TTC7B: variants seen among roughly 807,000 people sequenced by gnomAD.
TTC7B encodes the protein tetratricopeptide repeat domain 7B.
TTC7B carries 28 observed loss-of-function variants against 106.8 expected under a neutral mutation model. The observed-to-expected ratio is 0.26, with a 90% CI of 0.19 to 0.36. The LOEUF is 0.36. Among genes scored for constraint, TTC7B ranks in the 10% least tolerant of loss-of-function variants. TTC7B has a pLI of 1.00. For synonymous variants in TTC7B, 405 were observed against 430.6 expected, an observed-to-expected ratio of 0.94 and a Z score of 0.74; for missense variants, 862 against 1,076.4, an observed-to-expected ratio of 0.80 and a Z score of 2.79.
intron 15 of TTC7B, among the ~76,000 whole-genome samples, chr14:90,621,925 G>A (rs1306060415): frequency 6.6e-6 from 1 of 152,100 alleles, no homozygotes; most frequent in African/African-American, 2.4e-5. Flanking sequence ...GCATTCATTT[G>A]CTACAGCTGA....
At chr14:90,694,201 G>A (rs748780656) in intron 6 of TTC7B, among the ~76,000 whole-genome samples, 1 of 152,086 alleles carries the variant, frequency 6.6e-6, no homozygotes, top group Non-Finnish European at 1.5e-5. Context: ...TTGTGCGATT[G>A]CACTCCAACC....
chr14:90,635,053 T>A (rs931463175), intron 15 of TTC7B, among the ~76,000 whole-genome samples: 1 of 152,156 alleles, frequency 6.6e-6, no homozygotes, highest in African/African-American at 2.4e-5. Context: ...GCAAGATCAC[T>A]TGTGCTCCTT....
At chr14:90,749,549 G>T (rs1489679504) in intron 3 of TTC7B, among the ~76,000 whole-genome samples, 1 of 151,860 alleles carries the variant, frequency 6.6e-6, no homozygotes, top group Non-Finnish European at 1.5e-5. Context: ...GGGATTGCAG[G>T]CATGCACCAC....
intron 16 of TTC7B, among the ~76,000 whole-genome samples, chr14:90,612,838 T>A (rs1344069956): frequency 6.6e-6 from 1 of 152,180 alleles, no homozygotes; most frequent in African/African-American, 2.4e-5. Context: ...TATAGCCAAC[T>A]TATCCCTAGG....
intron 3 of TTC7B, among the ~76,000 whole-genome samples, chr14:90,778,658 G>A (rs531691199): frequency 1.1e-4 from 16 of 152,316 alleles, no homozygotes; most frequent in South Asian, 1.0e-3. Context: ...AGGAAAGAGC[G>A]TGGCTGTGTG....
chr14:90,660,691 A>G (rs1210198167), intron 9 of TTC7B, among the ~76,000 whole-genome samples: 1 of 152,168 alleles, frequency 6.6e-6, no homozygotes, highest in Admixed American at 6.5e-5. Context: ...GAAGGTGACA[A>G]ATGGGTAAAG....
rs138805045 is a variant in TTC7B, at chr14:90,737,217, A to G, written c.577-7021T>C. 4.9e-3 allele frequency among the ~76,000 whole-genome samples: 752 copies of G among 152,334 alleles called. 12 individuals carry two copies. Among genetic ancestry groups the G allele is most frequent in the African/African-American group, 0.016 (684 of 41,582 alleles). ...ATTAGACAAAAAGGATAAGCAGACA[A>G]AAAAGGGTTAAACATAAAGTTACCA... is the stretch of plus-strand genomic sequence containing the variant. On this transcript the variant is annotated intron_variant, in intron 4 of 19. Coordinates refer to ENST00000328459, the MANE Select transcript of TTC7B (RefSeq NM_001010854.2).
rs1566787973 is a variant in TTC7B, at chr14:90,593,480, G to A, written c.2107+6C>T. The A allele has an allele frequency of 9.5e-6, 15 of 1,583,888 alleles. No individual in the cohort carries two copies. Among genetic ancestry groups the A allele is most frequent in the Non-Finnish European group, 1.2e-5 (14 of 1,162,036 alleles). ...AGCAGCGGGTTGTGGGTGAGGCGGA[G>A]GGTACCTGCATGGAGCCAGATCTGT... On this transcript the variant is annotated splice_donor_region_variant and intron_variant, in intron 18 of 19. Transcript: ENST00000328459.
intron 1 of TTC7B, 31 bp downstream of exon 1, chr14:90,816,144 C>A (rs1326046355): frequency 1.7e-6 from 2 of 1,145,292 alleles, no homozygotes; most frequent in Admixed American, 2.8e-5. Context: ...CGGCGCCCCC[C>A]GCAGCCCAGG....
intron 1 of TTC7B, among the ~76,000 whole-genome samples, chr14:90,789,821 G>A (rs185348280): frequency 2.5e-3 from 384 of 151,962 alleles, no homozygotes; most frequent in African/African-American, 7.5e-3. Context: ...GCGTGAACCT[G>A]GGGGGTGGAG....
Position 90,657,359 on chromosome 14 carries a change from G to T in TTC7B, c.1237-81C>A. On this transcript the variant is annotated intron_variant, in intron 10 of 19. Coordinates refer to ENST00000328459, the MANE Select transcript of TTC7B (RefSeq NM_001010854.2). This position sits in a 1 kb window ranked among gnomAD's most constrained non-coding sequence, Gnocchi z 4.2. ...CTACAGCCTTCTCAGAGGGGTTTTT[G>T]GTCAGGGTGACCTCCTCGTGGGCTT... 7.1e-7 allele frequency: 1 copy of T among 1,417,016 alleles called. No individual in the cohort carries two copies. 87.8% of individuals were successfully genotyped at this position (1,417,016 alleles called of 1,614,324 possible).
At chr14:90,697,646 A>G (rs1754345944) in intron 5 of TTC7B, 1 of 152,232 alleles carries the variant, frequency 6.6e-6, no homozygotes. Flanking sequence ...GCCCAGGTGA[A>G]GAAGTCCAGT....
In TTC7B at chr14:90,716,896, G is replaced by C. The variant is rs74776301; in HGVS notation, c.698+13179C>G. ...AGACAGAAGACGCAAATTATGCCAG[G>C]GGGAGGCAGAAGGAGGAAGAGCTAG... On this transcript the variant is annotated intron_variant, in intron 5 of 19. Transcript: ENST00000328459. Among the ~76,000 whole-genome samples, 398 of 152,248 alleles carry C rather than the reference G, an allele frequency of 2.6e-3. 2 individuals are homozygous for C. Among genetic ancestry groups the C allele is most frequent in the African/African-American group, 9.1e-3 (379 of 41,540 alleles).
chr14:90,797,097 G>A (rs1253589033), intron 1 of TTC7B, among the ~76,000 whole-genome samples: 1 of 149,096 alleles, frequency 6.7e-6, no homozygotes, highest in African/African-American at 2.4e-5. Flanking sequence ...TGCCCGCCTT[G>A]GCCTCCCAAA....
intron 3 of TTC7B, among the ~76,000 whole-genome samples, chr14:90,779,451 C>G (rs1891139512): frequency 6.6e-6 from 1 of 152,070 alleles, no homozygotes; most frequent in African/African-American, 2.4e-5. Context: ...ATTACAGGCA[C>G]CTGCCACCAC....
At chr14:90,746,849 A>G (rs1003258620) in intron 3 of TTC7B, among the ~76,000 whole-genome samples, 1 of 152,162 alleles carries the variant, frequency 6.6e-6, no homozygotes, top group African/African-American at 2.4e-5. Flanking sequence ...GAGTTTTCCA[A>G]AGGTCTTTCT....
chr14:90,705,854 C>T (rs1888185066), intron 5 of TTC7B, among the ~76,000 whole-genome samples: 1 of 152,174 alleles, frequency 6.6e-6, no homozygotes, highest in Non-Finnish European at 1.5e-5. Flanking sequence ...CTTTTTCTTA[C>T]AACTTATCTG....
rs535571376 is a variant in TTC7B, at chr14:90,608,337, G to A, written c.1966+2405C>T. Among the ~76,000 whole-genome samples, 3 of 152,258 alleles carry A rather than the reference G, an allele frequency of 2.0e-5. No individual in the cohort carries two copies. Among genetic ancestry groups the A allele is most frequent in the Non-Finnish European group, 4.4e-5 (3 of 68,028 alleles). On this transcript the variant is annotated intron_variant, in intron 17 of 19. Coordinates refer to ENST00000328459, the MANE Select transcript of TTC7B (RefSeq NM_001010854.2). The surrounding 1 kb of genome is among the most constrained non-coding windows in gnomAD (Gnocchi z 5.1). Reference sequence around the variant, plus strand: ...CATTTTTCTGATTCCCTGGTCTCTTGGTTAAATTGTCGGCGTGCAAATCAG... The same window carrying A: ...CATTTTTCTGATTCCCTGGTCTCTTAGTTAAATTGTCGGCGTGCAAATCAG...
intron 17 of TTC7B, among the ~76,000 whole-genome samples, chr14:90,596,819 G>T (rs1007440632): frequency 6.6e-6 from 1 of 152,170 alleles, no homozygotes; most frequent in Non-Finnish European, 1.5e-5. Context: ...CTAAGTATTA[G>T]GTAAATGAGT....
Sources: gnomAD v4.1 joint callset for allele counts (sites outside exome capture counted in the v4.1 genomes callset) on GRCh38, gnomAD v4.1.1 for gene constraint, Gnocchi (gnomAD v3.1) non-coding constraint, MANE v1.5 for transcripts, NCBI Gene and HGNC (gene_info 2026-07-23, HGNC 2026-07-21) for gene names.